The following IMMP2L variants were observed in gnomAD, a reference collection of about 807,000 sequenced individuals.
IMMP2L encodes the protein inner mitochondrial membrane peptidase subunit 2.
A neutral mutation model predicts 19.3 loss-of-function variants in IMMP2L; 18 were observed. The observed-to-expected ratio is 0.93, with a 90% CI of 0.64 to 1.38. The LOEUF is 1.38. Among genes scored for constraint, IMMP2L ranks in the 40% most tolerant of loss-of-function variants. The probability of loss-of-function intolerance (pLI) is 0.00; values close to 1 mark genes in which losing one functional copy is unlikely to be tolerated. For missense variants in IMMP2L, 233 were observed against 218.2 expected (o/e 1.07, Z -0.43); for synonymous variants, 76 against 73.0 (o/e 1.04, Z -0.21).
At chr7:111,302,925 T>G (rs994722855) in intron 3 of IMMP2L, among the ~76,000 whole-genome samples, 1 of 152,152 alleles carries the variant, frequency 6.6e-6, no homozygotes, top group African/African-American at 2.4e-5. Flanking sequence ...TCCAGTGACC[T>G]GAACCTCCAA....
intron 3 of IMMP2L, among the ~76,000 whole-genome samples, chr7:111,387,568 C>T (rs1831886705): frequency 6.6e-6 from 1 of 152,132 alleles, no homozygotes; most frequent in East Asian, 1.9e-4. Flanking sequence ...CATAAACTAT[C>T]TTTAACATCA....
At chr7:111,476,670 A>C (rs1334297116) in intron 3 of IMMP2L, among the ~76,000 whole-genome samples, 2 of 152,120 alleles carry the variant, frequency 1.3e-5, no homozygotes, top group Non-Finnish European at 2.9e-5. Flanking sequence ...GTGTAGTTGT[A>C]AGACCGAGGT....
At chr7:111,125,069 T>G (rs1053868081) in intron 3 of IMMP2L, 2 of 532,384 alleles carry the variant, frequency 3.8e-6, no homozygotes, top group Non-Finnish European at 6.6e-6. Flanking sequence ...AATGGAAATA[T>G]GTACAACTTC....
intron 1 of IMMP2L, among the ~76,000 whole-genome samples, chr7:111,539,268 A>C (rs531571594): frequency 1.4e-5 from 2 of 146,326 alleles, no homozygotes; most frequent in African/African-American, 5.1e-5. Flanking sequence ...GAAAGAAAGA[A>C]AGAGAACATA....
At chr7:110,990,084 C>G (rs376823301) in intron 3 of IMMP2L, among the ~76,000 whole-genome samples, 47 of 152,006 alleles carry the variant, frequency 3.1e-4, no homozygotes, top group Non-Finnish European at 8.8e-5. Context: ...GCAGCAACAG[C>G]AAATAAGGAT....
At chr7:111,195,703 G>A (rs1453988024) in intron 3 of IMMP2L, among the ~76,000 whole-genome samples, 2 of 332 alleles carry the variant, frequency 6.0e-3, no homozygotes, top group African/African-American at 0.016. Flanking sequence ...TATGAGTGTC[G>A]ACGATTCTAA....
chr7:111,051,473 G>A (rs1166838803), intron 3 of IMMP2L, among the ~76,000 whole-genome samples: 1 of 152,040 alleles, frequency 6.6e-6, no homozygotes, highest in Non-Finnish European at 1.5e-5. Flanking sequence ...ATTATCATCA[G>A]AATATATTTC....
chr7:110,982,180 T>C (rs1324335124), intron 3 of IMMP2L, among the ~76,000 whole-genome samples: 1 of 152,136 alleles, frequency 6.6e-6, no homozygotes, highest in Non-Finnish European at 1.5e-5. Flanking sequence ...TTTCCCTGTA[T>C]AATTCTCATG....
At chr7:111,333,158 T>C (rs938545696) in intron 3 of IMMP2L, among the ~76,000 whole-genome samples, 3 of 152,116 alleles carry the variant, frequency 2.0e-5, no homozygotes, top group African/African-American at 4.8e-5. Context: ...GAATGGGTAG[T>C]AGAAGAAGGT....
intron 3 of IMMP2L, among the ~76,000 whole-genome samples, chr7:111,254,070 C>A (rs577924279): frequency 6.6e-6 from 1 of 152,230 alleles, no homozygotes; most frequent in East Asian, 1.9e-4. Context: ...AAAATTTGTG[C>A]ATCAAGTTAC....
At chr7:111,061,369 C>T (rs1364526784) in intron 3 of IMMP2L, among the ~76,000 whole-genome samples, 1 of 152,126 alleles carries the variant, frequency 6.6e-6, no homozygotes, top group African/African-American at 2.4e-5. Context: ...TGAGCCTGGA[C>T]TTTGTTTTCT....
At chr7:110,989,189 C>T (rs1003522217) in intron 3 of IMMP2L, among the ~76,000 whole-genome samples, 7 of 152,054 alleles carry the variant, frequency 4.6e-5, no homozygotes, top group African/African-American at 2.4e-5. Context: ...GAGCCAAGAT[C>T]GTGCCATTGC....
chr7:111,506,812 C>T lies in IMMP2L; in HGVS notation c.135+14501G>A, dbSNP rs544676801. Reference sequence around the variant, plus strand: ...AATTAAAAAGATATACTAAGTACCACCTTATATCTTTCTGAGGTTTTTTTT... The same window carrying T: ...AATTAAAAAGATATACTAAGTACCATCTTATATCTTTCTGAGGTTTTTTTT... On this transcript the variant is annotated intron_variant, in intron 2 of 5. Coordinates refer to ENST00000405709, the MANE Select transcript of IMMP2L (RefSeq NM_032549.4). Among the ~76,000 whole-genome samples, 462 of 152,200 alleles carry T rather than the reference C, an allele frequency of 3.0e-3. 2 individuals are homozygous for T. Among genetic ancestry groups the T allele is most frequent in the Non-Finnish European group, 4.8e-3 (326 of 67,996 alleles).
intron 3 of IMMP2L, among the ~76,000 whole-genome samples, chr7:111,096,509 A>T (rs915395250): frequency 2.4e-4 from 1 of 4,224 alleles, no homozygotes; most frequent in African/African-American, 4.0e-4. Flanking sequence ...AGTTAAATTT[A>T]AAAAAAAAAA....
chr7:111,282,317 G>C (rs1197272979), intron 3 of IMMP2L, among the ~76,000 whole-genome samples: 5 of 152,156 alleles, frequency 3.3e-5, no homozygotes, highest in Non-Finnish European at 7.3e-5. Flanking sequence ...AGAAATATCT[G>C]TTCTTACAAA....
intron 4 of IMMP2L, among the ~76,000 whole-genome samples, chr7:110,955,979 A>T (rs1221692712): frequency 2.6e-5 from 4 of 151,944 alleles, no homozygotes; most frequent in African/African-American, 9.7e-5. Context: ...TTTACTGGGG[A>T]AAACTCAATT....
At chr7:110,949,692 T>G (rs181170103) in intron 4 of IMMP2L, among the ~76,000 whole-genome samples, 95 of 152,280 alleles carry the variant, frequency 6.2e-4, no homozygotes, top group Non-Finnish European at 1.2e-3. Context: ...CTATATACTG[T>G]CTGTCTTTTT....
chr7:110,786,655 C>A (rs1259796671), intron 5 of IMMP2L, among the ~76,000 whole-genome samples: 1 of 151,932 alleles, frequency 6.6e-6, no homozygotes, highest in Non-Finnish European at 1.5e-5. Flanking sequence ...TATGCAAATA[C>A]AAATAAAGTT....
intron 3 of IMMP2L, among the ~76,000 whole-genome samples, chr7:111,013,486 G>A (rs966485745): frequency 6.6e-6 from 1 of 152,078 alleles, no homozygotes; most frequent in African/African-American, 2.4e-5. Context: ...AGGTGTGAGG[G>A]AGATGAAAAC....
Sources: allele counts gnomAD v4.1 joint callset (sites outside exome capture counted in the v4.1 genomes callset), GRCh38; gene constraint gnomAD v4.1.1; transcripts MANE v1.5; gene names NCBI Gene and HGNC (gene_info 2026-07-23, HGNC 2026-07-21).